Variants in CTNND2 observed in about 807,000 individuals in gnomAD.
CTNND2 encodes the protein catenin delta 2, also known as catenin delta-2.
CTNND2 carries 22 observed loss-of-function variants against 144.4 expected under a neutral mutation model. The ratio of observed to expected loss-of-function variants is 0.15; its 90% CI spans 0.11 to 0.22. CTNND2 has a LOEUF of 0.22. Ranked by LOEUF, CTNND2 falls within the 10% of genes least tolerant of loss-of-function variation. The probability of loss-of-function intolerance (pLI) is 1.00; values close to 1 mark genes in which losing one functional copy is unlikely to be tolerated. For missense variants in CTNND2, 1,353 were observed against 1,618.8 expected (o/e 0.84, Z 2.82); for synonymous variants, 751 against 695.6 (o/e 1.08, Z -1.25).
At chr5:11,585,735 G>T (rs998026321) in intron 2 of CTNND2, among the ~76,000 whole-genome samples, 1 of 152,052 alleles carries the variant, frequency 6.6e-6, no homozygotes, top group Non-Finnish European at 1.5e-5. Context: ...AAGACGATGG[G>T]GAGACAACTT....
intron 1 of CTNND2, among the ~76,000 whole-genome samples, chr5:11,766,740 GC>G (rs1789610683): frequency 6.6e-6 from 1 of 152,116 alleles, no homozygotes. Context: ...TGGAGGGAAG[GC>G]TTTCAGTCCT....
intron 16 of CTNND2, among the ~76,000 whole-genome samples, chr5:11,033,442 T>C (rs1743705294): frequency 6.6e-6 from 1 of 152,220 alleles, no homozygotes; most frequent in South Asian, 2.1e-4. Context: ...TGTAAACAAG[T>C]AAGTCCTTGT....
In CTNND2 at chr5:11,384,811, G is replaced by A; in HGVS notation, c.1031C>T (p.Ser344Leu). The change falls in exon 7 of 22, where the codon TCG becomes TTG. Residue 344 changes from serine to leucine, a missense_variant. Transcript: ENST00000304623. The surrounding 1 kb of genome is among the most constrained non-coding windows in gnomAD (Gnocchi z 5.2). ...PPTVQSTISS[S>L]PIHQLSSTIG... ...GGTGGAGCTCAGCTGGTGGATGGGC[G>A]AGGAGGAGATGGTGGACTGCACGGT... 3 of 1,613,302 alleles carry A rather than the reference G, an allele frequency of 1.9e-6. No homozygotes were observed. The highest frequency in any genetic ancestry group is 1.3e-5 in the African/African-American group (1 of 75,026).
intron 3 of CTNND2, among the ~76,000 whole-genome samples, chr5:11,522,730 G>A (rs1772854815): frequency 6.6e-6 from 1 of 152,166 alleles, no homozygotes; most frequent in South Asian, 2.1e-4. Flanking sequence ...CAGGACCATA[G>A]CAGGTATCAG....
intron 3 of CTNND2, among the ~76,000 whole-genome samples, chr5:11,449,972 G>A (rs940108686): frequency 3.9e-5 from 6 of 152,218 alleles, no homozygotes; most frequent in Non-Finnish European, 2.9e-5. Context: ...ATCTGTTACA[G>A]TTTCATTCCA....
chr5:11,858,570 A>T lies in CTNND2; in HGVS notation c.37+45247T>A, dbSNP rs538102421. Among the ~76,000 whole-genome samples the T allele has an allele frequency of 2.0e-5, 3 of 152,344 alleles. No individual in the cohort carries two copies. The East Asian group carries it at 5.8e-4, about 29-fold the overall frequency. Reference sequence around the variant, plus strand: ...ATATGTATCATGGATGCATATTCTTAGCTATGAAGCATTAATTTTTCTGTT... The same window carrying T: ...ATATGTATCATGGATGCATATTCTTTGCTATGAAGCATTAATTTTTCTGTT... On this transcript the variant is annotated intron_variant, in intron 1 of 21. Transcript: ENST00000304623.
intron 1 of CTNND2, among the ~76,000 whole-genome samples, chr5:11,759,113 T>C (rs912947629): frequency 5.3e-5 from 8 of 152,048 alleles, no homozygotes; most frequent in African/African-American, 1.9e-4. Context: ...CTTCTTTACA[T>C]AGAAATATTT....
At chr5:11,452,076 A>G (rs955148975) in intron 3 of CTNND2, among the ~76,000 whole-genome samples, 3 of 152,222 alleles carry the variant, frequency 2.0e-5, no homozygotes, top group Admixed American at 6.5e-5. Flanking sequence ...ACTTTCTGAA[A>G]ATGGATTAGC....
chr5:11,870,098 A>G (rs868748500), intron 1 of CTNND2, among the ~76,000 whole-genome samples: 37 of 152,196 alleles, frequency 2.4e-4, no homozygotes, highest in African/African-American at 8.2e-4. Context: ...AAAGAGCCCA[A>G]TGGAGAAAAT....
chr5:11,525,138 C>T (rs1054761193), intron 3 of CTNND2, among the ~76,000 whole-genome samples: 7 of 152,204 alleles, frequency 4.6e-5, no homozygotes, highest in Non-Finnish European at 1.0e-4. Flanking sequence ...CCTTATGACA[C>T]ACTCACTATG....
At chr5:11,820,119 T>C (rs1793232371) in intron 1 of CTNND2, among the ~76,000 whole-genome samples, 1 of 152,182 alleles carries the variant, frequency 6.6e-6, no homozygotes, top group African/African-American at 2.4e-5. Flanking sequence ...CCCTGGTACT[T>C]TCTGTCTGAG....
At chr5:10,975,940 T>C (rs1460937821) in intron 21 of CTNND2, among the ~76,000 whole-genome samples, 4 of 152,212 alleles carry the variant, frequency 2.6e-5, no homozygotes, top group Admixed American at 2.6e-4. Context: ...GGGAGCTGGG[T>C]ATCAGCTTTT....
chr5:11,696,945 C>T (rs1463751127), intron 2 of CTNND2, among the ~76,000 whole-genome samples: 4 of 152,138 alleles, frequency 2.6e-5, no homozygotes, highest in Non-Finnish European at 4.4e-5. Context: ...GCCTTAAACA[C>T]CTGGGCAATA....
intron 2 of CTNND2, among the ~76,000 whole-genome samples, chr5:11,580,837 T>C (rs1024791032): frequency 6.6e-6 from 1 of 152,210 alleles, no homozygotes; most frequent in Non-Finnish European, 1.5e-5. Flanking sequence ...ACTGACACAG[T>C]AGACTTTGAA....
Position 11,064,626 on chromosome 5 carries a change from C to G in CTNND2, c.2788+18070G>C, listed in dbSNP as rs576067018. Among the ~76,000 whole-genome samples the G allele has an allele frequency of 3.9e-5, 6 of 152,006 alleles. No individual in the cohort carries two copies. The South Asian group carries it at 1.3e-3, about 32-fold the overall frequency. On this transcript the variant is annotated intron_variant, in intron 16 of 21. Coordinates refer to ENST00000304623, the MANE Select transcript of CTNND2 (RefSeq NM_001332.4). ...TTATCTATTCTGCAGAAGACAAGAC[C>G]AAAGTTGGCCTACAGCTGTTTAAAC...
rs146450807 is a variant in CTNND2 at position 11,062,670 on chromosome 5, C to T, written c.2788+20026G>A. 6.1e-4 allele frequency among the ~76,000 whole-genome samples: 93 copies of T among 152,370 alleles called. 2 individuals carry two copies. The East Asian group carries it at 0.011, about 18-fold the overall frequency. ...TGGGGGCAGGCTCCCCTGGGGCAGA[C>T]TCCAAAAGGAGCCCTGTGTGCTGTC... On this transcript the variant is annotated intron_variant, in intron 16 of 21. Coordinates refer to ENST00000304623, the MANE Select transcript of CTNND2 (RefSeq NM_001332.4).
chr5:11,607,152 G>C (rs1780094120), intron 2 of CTNND2, among the ~76,000 whole-genome samples: 1 of 152,206 alleles, frequency 6.6e-6, no homozygotes, highest in African/African-American at 2.4e-5. Flanking sequence ...ACCGGGGACA[G>C]ATTCTCCCTT....
chr5:11,176,545 A>G (rs1180280342), intron 11 of CTNND2, among the ~76,000 whole-genome samples: 1 of 152,100 alleles, frequency 6.6e-6, no homozygotes, highest in East Asian at 1.9e-4. Context: ...GAGGTTGAGA[A>G]TGTAAGCACT....
chr5:11,509,672 T>C (rs1053436662), intron 3 of CTNND2, among the ~76,000 whole-genome samples: 1 of 152,228 alleles, frequency 6.6e-6, no homozygotes, highest in Non-Finnish European at 1.5e-5. Flanking sequence ...CCTTCTTTTA[T>C]ACATGTATAA....
Sources: allele counts gnomAD v4.1 joint callset (sites outside exome capture counted in the v4.1 genomes callset), GRCh38; gene constraint gnomAD v4.1.1; non-coding constraint Gnocchi (gnomAD v3.1); transcripts MANE v1.5; gene names NCBI Gene and HGNC (gene_info 2026-07-23, HGNC 2026-07-21).